Variants in DNAAF4 observed in about 807,000 individuals in gnomAD.
The protein encoded by DNAAF4 is dynein assembly factor 4, axonemal.
Under a neutral mutation model 51.8 loss-of-function variants are expected in DNAAF4, and 43 were observed. That is an observed-to-expected ratio of 0.83 (90% CI 0.65 to 1.07). DNAAF4 has a LOEUF of 1.07. Ranked by LOEUF, DNAAF4 falls within the 50% of genes least tolerant of loss-of-function variation. The probability of loss-of-function intolerance (pLI) is 0.00; values close to 1 mark genes in which losing one functional copy is unlikely to be tolerated. For missense variants in DNAAF4, 581 were observed against 493.0 expected, an observed-to-expected ratio of 1.18 and a Z score of -1.69; for synonymous variants, 194 against 165.6, an observed-to-expected ratio of 1.17 and a Z score of -1.32.
intron 2 of DNAAF4, 133 bp downstream of exon 2, chr15:55,498,074 C>G: frequency 6.7e-7 from 1 of 1,487,024 alleles, no homozygotes; most frequent in South Asian, 1.2e-5. Context: ...GTATGGGATT[C>G]ATTTTTTTAA....
At chr15:55,490,304 T>C (rs899795268) in intron 4 of DNAAF4, among the ~76,000 whole-genome samples, 1 of 152,054 alleles carries the variant, frequency 6.6e-6, no homozygotes, top group Non-Finnish European at 1.5e-5. Flanking sequence ...TTGGTGCTTT[T>C]TGGGGGGTGA....
chr15:55,434,916 C>T lies in DNAAF4; in HGVS notation c.1036G>A (p.Asp346Asn). 1 of 1,607,756 alleles carries T rather than the reference C, an allele frequency of 6.2e-7. No individual in the cohort carries two copies. The highest frequency in any genetic ancestry group is 1.7e-5 in the Admixed American group (1 of 58,186). ...KLKNLHKAIE[D>N]SSKALELLMP... ...ATAGATATCCATACCTTAGAAGAATCTTCAATAGCCTTGTGTAAGTTTTTT... is the reference window on the plus strand; with the variant it reads ...ATAGATATCCATACCTTAGAAGAATTTTCAATAGCCTTGTGTAAGTTTTTT... Residue 346 changes from aspartate (D) to asparagine (N), a missense_variant, in exon 8 of 10, where the codon GAT becomes AAT. By Grantham distance (23) the Asp-to-Asn change is conservative (BLOSUM62 1). Transcript: ENST00000321149.
At chr15:55,441,702 T>C (rs546838293) in intron 6 of DNAAF4, among the ~76,000 whole-genome samples, 34 of 152,294 alleles carry the variant, frequency 2.2e-4, no homozygotes, top group African/African-American at 7.2e-4. Flanking sequence ...CTGAGAATGA[T>C]GGTTTCCAGC....
At chr15:55,420,016 T>TA (rs970954287) in intron 7 of DNAAF4, among the ~76,000 whole-genome samples, 1 of 151,682 alleles carries the variant, frequency 6.6e-6, no homozygotes, top group Non-Finnish European at 1.5e-5. Flanking sequence ...AAAAAAAGAA[T>TA]AAAAAAAAGT....
intron 3 of DNAAF4, among the ~76,000 whole-genome samples, chr15:55,495,354 C>A (rs2058627260): frequency 6.6e-6 from 1 of 150,996 alleles, no homozygotes; most frequent in South Asian, 2.1e-4. Context: ...CTACAAGATA[C>A]CAAGAAAGCC....
chr15:55,491,090 T>C (rs536752081), intron 4 of DNAAF4, 33 bp downstream of exon 4: 2 of 1,613,480 alleles, frequency 1.2e-6, no homozygotes, highest in African/African-American at 2.7e-5. Context: ...CTATTATCTC[T>C]TTAGAGGACT....
intron 5 of DNAAF4, among the ~76,000 whole-genome samples, chr15:55,465,832 T>TAA (rs2141503315): frequency 6.6e-6 from 1 of 152,152 alleles, no homozygotes; most frequent in South Asian, 2.1e-4. Context: ...TCCCAAAGTG[T>TAA]TAGGATTACA....
rs190866619 is a variant in DNAAF4, at chr15:55,498,607, A to G, written c.-255-23T>C. 57 of 319,422 alleles carry G rather than the reference A, an allele frequency of 1.8e-4. 1 individual carries two copies. The East Asian group carries it at 3.1e-3, about 17-fold the overall frequency. The allele number at this position is 319,422 out of a possible 1,614,324, so 19.8% of individuals were successfully genotyped here. ...CCTCTGCTTGAGAAAAAAAAAAAAA[A>G]AAAAAAGCACTCTGTGGGTCGGGCG... On this transcript the variant is annotated intron_variant, in intron 1 of 9. Transcript: ENST00000321149.
intron 6 of DNAAF4, chr15:55,443,031 G>C: frequency 1.2e-6 from 2 of 1,611,222 alleles, no homozygotes; most frequent in South Asian, 2.2e-5. Context: ...TGAAGAGCTG[G>C]GCCTGTGACA....
chr15:55,485,816 A>G (rs970087591), intron 4 of DNAAF4, among the ~76,000 whole-genome samples: 1 of 151,944 alleles, frequency 6.6e-6, no homozygotes, highest in African/African-American at 2.4e-5. Flanking sequence ...AACACGGTGA[A>G]ACCCCATCTC....
chr15:55,495,235 A>C (rs960087912), intron 3 of DNAAF4: 6 of 150,248 alleles, frequency 4.0e-5, no homozygotes, highest in Admixed American at 6.6e-5. Flanking sequence ...AAAAAAAATT[A>C]AGTAAACTGG....
rs1595960693 is a variant in DNAAF4, at chr15:55,498,422, C to T, written c.-93G>A. The stretch of plus-strand genomic sequence containing the variant: ...TGGGGTTACCATGCGCCAGCCCTTC[C>T]GGGTCAGGCCGGCCGGGAGCCCGGC... On this transcript the variant is annotated 5_prime_UTR_variant, in exon 2 of 10. Transcript: ENST00000321149. 1.3e-6 allele frequency: 2 copies of T among 1,505,368 alleles called. No homozygotes were observed. Among genetic ancestry groups the T allele is most frequent in the Non-Finnish European group, 1.8e-6 (2 of 1,129,696 alleles). 93.3% of individuals were successfully genotyped at this position (1,505,368 alleles called of 1,614,324 possible). A position where few individuals can be genotyped will look rare whatever the true frequency, so the allele number is the denominator to read the frequency against.
chr15:55,454,815 A>G (rs1454259921), intron 5 of DNAAF4, among the ~76,000 whole-genome samples: 1 of 152,158 alleles, frequency 6.6e-6, no homozygotes, highest in African/African-American at 2.4e-5. Flanking sequence ...ACTTATACTA[A>G]TGAACCCATA....
intron 4 of DNAAF4, among the ~76,000 whole-genome samples, chr15:55,486,366 G>C (rs905070093): frequency 9.9e-5 from 15 of 151,838 alleles, no homozygotes; most frequent in Non-Finnish European, 1.5e-5. Flanking sequence ...GCTAATTTTT[G>C]TATTTTTAGT....
At chr15:55,428,114 C>T (rs573841309), downstream of DNAAF4, among the ~76,000 whole-genome samples, 194 of 151,946 alleles carry the variant, frequency 1.3e-3, no homozygotes, top group East Asian at 2.3e-3. Flanking sequence ...CCACCATGCC[C>T]GGCTAATTTT....
chr15:55,484,360 C>T (rs776444048), intron 4 of DNAAF4, among the ~76,000 whole-genome samples: 5 of 151,856 alleles, frequency 3.3e-5, no homozygotes, highest in South Asian at 2.1e-4. Context: ...TGGTGAGCAC[C>T]TGTAGTCCCA....
chr15:55,420,276 A>C (rs2057377519), intron 7 of DNAAF4, among the ~76,000 whole-genome samples: 1 of 152,198 alleles, frequency 6.6e-6, no homozygotes, highest in Non-Finnish European at 1.5e-5. Flanking sequence ...AATTTTATAT[A>C]TCTTCAACAC....
chr15:55,502,854 AT>A (rs2058706890), intron 1 of DNAAF4, among the ~76,000 whole-genome samples: 1 of 152,198 alleles, frequency 6.6e-6, no homozygotes, highest in African/African-American at 2.4e-5. Flanking sequence ...TAACATCACA[AT>A]TAAAAGAACT....
chr15:55,443,274 A>T, intron 6 of DNAAF4: 1 of 1,550,996 alleles, frequency 6.4e-7, no homozygotes, highest in Middle Eastern at 1.7e-4. Context: ...GTTGCGGCTC[A>T]CTACCCGGCA....
Sources: gnomAD v4.1 joint callset for allele counts (sites outside exome capture counted in the v4.1 genomes callset) on GRCh38, gnomAD v4.1.1 for gene constraint, MANE v1.5 for transcripts, NCBI Gene and HGNC (gene_info 2026-07-23, HGNC 2026-07-21) for gene names.